MAGI3: variants seen among roughly 807,000 people sequenced by gnomAD.
The protein encoded by MAGI3 is membrane associated guanylate kinase, WW and PDZ domain containing 3.
MAGI3 carries 43 observed loss-of-function variants against 121.8 expected under a neutral mutation model. The observed-to-expected ratio is 0.35, with a 90% CI of 0.28 to 0.46. MAGI3 has a LOEUF of 0.46. Ranked by LOEUF, MAGI3 falls within the 20% of genes least tolerant of loss-of-function variation. MAGI3 has a pLI of 1.00. For missense variants in MAGI3, 1,547 were observed against 1,797.3 expected (o/e 0.86, Z 2.52); for synonymous variants, 553 against 639.3 (o/e 0.86, Z 2.04).
In MAGI3 at chr1:113,391,275, G is replaced by A; in HGVS notation, c.242G>A (p.Gly81Glu). ...LLEVNGTPVS[G>E]LTNRDTLAVI... Reference sequence around the variant, plus strand: ...GAGGTAAACGGGACGCCTGTCAGCGGGCTCACCAACCGGGACACCCTGGCT... The same window carrying A: ...GAGGTAAACGGGACGCCTGTCAGCGAGCTCACCAACCGGGACACCCTGGCT... The change falls in exon 1 of 21, where the codon GGG becomes GAG. Residue 81 changes from glycine to glutamate, a missense_variant. Transcript: ENST00000307546. This position sits in a 1 kb window ranked among gnomAD's most constrained non-coding sequence, Gnocchi z 4.4. 1 of 1,590,230 alleles carries A rather than the reference G, an allele frequency of 6.3e-7. No homozygotes were observed. The highest frequency in any genetic ancestry group is 1.7e-5 in the Admixed American group (1 of 57,222).
At chr1:113,396,035 AT>A (rs960657402) in intron 1 of MAGI3, among the ~76,000 whole-genome samples, 2 of 151,786 alleles carry the variant, frequency 1.3e-5, no homozygotes, top group Non-Finnish European at 2.9e-5. Flanking sequence ...AATTTTTGTG[AT>A]TTTTTTTCTG....
intron 1 of MAGI3, among the ~76,000 whole-genome samples, chr1:113,409,881 T>A (rs2101328678): frequency 6.6e-6 from 1 of 152,246 alleles, no homozygotes; most frequent in Admixed American, 6.5e-5. Flanking sequence ...CTCAGGGATA[T>A]TTTCCTCTTA....
Position 113,684,663 on chromosome 1 carries a change from A to ATAAG in MAGI3, c.*651_*654dup, listed in dbSNP as rs1648442760. The ATAAG allele has an allele frequency of 6.6e-6, 1 of 152,340 alleles. No individual in the cohort carries two copies. Among genetic ancestry groups the ATAAG allele is most frequent in the African/African-American group, 2.4e-5 (1 of 41,456 alleles). 9.4% of individuals were successfully genotyped at this position (152,340 alleles called of 1,614,324 possible). The stretch of plus-strand genomic sequence containing the variant: ...TGGCTTTTTATTTTAATTTGGCTGG[A>ATAAG]TAAGTTGTTTCAAATAACTGTTAAA... On this transcript the variant is annotated 3_prime_UTR_variant, in exon 21 of 21. Coordinates refer to ENST00000307546, the MANE Select transcript of MAGI3 (RefSeq NM_001142782.2).
chr1:113,638,921 G>T (rs1458798676), intron 9 of MAGI3, among the ~76,000 whole-genome samples: 2 of 152,242 alleles, frequency 1.3e-5, no homozygotes, highest in African/African-American at 2.4e-5. Context: ...GTTTACCTAA[G>T]CAAGCCTGGG....
At chr1:113,412,875 A>T (rs1181496169) in intron 1 of MAGI3, among the ~76,000 whole-genome samples, 2 of 152,062 alleles carry the variant, frequency 1.3e-5, no homozygotes, top group African/African-American at 4.8e-5. Flanking sequence ...GAAGCTCTTT[A>T]ATTTAATTAG....
chr1:113,614,072 C>T (rs991297005), intron 6 of MAGI3, among the ~76,000 whole-genome samples: 3 of 152,124 alleles, frequency 2.0e-5, no homozygotes, highest in African/African-American at 4.8e-5. Context: ...AGTGTTCCTT[C>T]AGATACTCAG....
chr1:113,438,466 A>G (rs1368389955), intron 1 of MAGI3, among the ~76,000 whole-genome samples: 1 of 152,220 alleles, frequency 6.6e-6, no homozygotes, highest in Non-Finnish European at 1.5e-5. Context: ...GTGCTATATT[A>G]GTCCATTTTG....
chr1:113,541,362 G>A (rs968210981), intron 1 of MAGI3, among the ~76,000 whole-genome samples: 2 of 152,134 alleles, frequency 1.3e-5, no homozygotes, highest in African/African-American at 2.4e-5. Flanking sequence ...CTGCTGAGGT[G>A]GTGGCTCTAT....
chr1:113,682,158 T>G, intron 20 of MAGI3: 2 of 1,271,388 alleles, frequency 1.6e-6, no homozygotes, highest in Non-Finnish European at 2.1e-6. Flanking sequence ...CTAACTGCAC[T>G]GATTTTTTTT....
At chr1:113,594,395 T>C in intron 5 of MAGI3, 86 bp from the exon 6 acceptor site, 1 of 1,051,286 alleles carries the variant, frequency 9.5e-7, no homozygotes, top group Non-Finnish European at 1.4e-6. Flanking sequence ...AAACATCATG[T>C]CTTTTAGTCA....
At chr1:113,510,552 A>G (rs1657565842) in intron 1 of MAGI3, among the ~76,000 whole-genome samples, 1 of 152,222 alleles carries the variant, frequency 6.6e-6, no homozygotes, top group Admixed American at 6.5e-5. Flanking sequence ...CTTTTGAGAT[A>G]TCGCCCTTAA....
chr1:113,404,081 C>A (rs533663488), intron 1 of MAGI3: 26 of 152,242 alleles, frequency 1.7e-4, no homozygotes, highest in African/African-American at 6.0e-4. Flanking sequence ...CCTAGGTTAG[C>A]TTGTATCTCT....
chr1:113,550,064 C>A (rs1324169497), intron 2 of MAGI3, among the ~76,000 whole-genome samples: 3 of 146,618 alleles, frequency 2.0e-5, no homozygotes, highest in Admixed American at 1.4e-4. Flanking sequence ...TGCAGTGAGC[C>A]GAGATCATGC....
chr1:113,437,392 T>G (rs1453030615), intron 1 of MAGI3, among the ~76,000 whole-genome samples: 7 of 152,098 alleles, frequency 4.6e-5, no homozygotes, highest in Non-Finnish European at 1.5e-5. Flanking sequence ...TTAAATGTCT[T>G]TATTTTTCTA....
At position 113,681,346 on chromosome 1, in the gene MAGI3, G is replaced by C. The variant is rs1156254101; in HGVS notation, c.3328+10G>C. ...TTGATACCTGACCATGGTAAGTAAA[G>C]TAGCCCACTAGTAGCTGAAAAGTTG... On this transcript the variant is annotated intron_variant, in intron 20 of 20. Coordinates refer to ENST00000307546, the MANE Select transcript of MAGI3 (RefSeq NM_001142782.2). 3.1e-6 allele frequency: 5 copies of C among 1,611,328 alleles called. No homozygotes were observed. Among genetic ancestry groups the C allele is most frequent in the Non-Finnish European group, 4.2e-6 (5 of 1,179,160 alleles).
At chr1:113,504,150 G>A (rs1340628545) in intron 1 of MAGI3, among the ~76,000 whole-genome samples, 1 of 152,018 alleles carries the variant, frequency 6.6e-6, no homozygotes, top group Admixed American at 6.6e-5. Flanking sequence ...TGATATTTAA[G>A]TAGGAACCAT....
intron 9 of MAGI3, among the ~76,000 whole-genome samples, chr1:113,641,005 TAA>T (rs1491508966): frequency 5.4e-5 from 3 of 55,526 alleles, no homozygotes; most frequent in South Asian, 5.2e-4. Context: ...ATGATATATA[TAA>T]TATATATGAT....
chr1:113,553,854 C>G (rs939901713), intron 2 of MAGI3, among the ~76,000 whole-genome samples: 5 of 152,070 alleles, frequency 3.3e-5, no homozygotes, highest in Admixed American at 6.5e-5. Context: ...ACTAAAAATA[C>G]AAAAATTAGC....
chr1:113,579,778 C>T (rs969381350), intron 2 of MAGI3, among the ~76,000 whole-genome samples: 15 of 152,212 alleles, frequency 9.9e-5, no homozygotes, highest in Non-Finnish European at 2.2e-4. Context: ...GAGCCCAAGA[C>T]GACTGACTCT....
Sources: gnomAD v4.1 joint callset for allele counts (sites outside exome capture counted in the v4.1 genomes callset) on GRCh38, gnomAD v4.1.1 for gene constraint, Gnocchi (gnomAD v3.1) non-coding constraint, MANE v1.5 for transcripts, NCBI Gene and HGNC (gene_info 2026-07-23, HGNC 2026-07-21) for gene names.